OLFM1: variants seen among roughly 807,000 people sequenced by gnomAD.
OLFM1 encodes olfactomedin 1, also known as noelin.
A neutral mutation model predicts 49.7 loss-of-function variants in OLFM1; 9 were observed. That is an observed-to-expected ratio of 0.18 (90% CI 0.11 to 0.32). The LOEUF is 0.32. Ranked by LOEUF, OLFM1 falls within the 10% of genes least tolerant of loss-of-function variation. The pLI is 1.00. For missense variants in OLFM1, 369 were observed against 661.8 expected, an observed-to-expected ratio of 0.56 and a Z score of 4.85; for synonymous variants, 240 against 271.8, an observed-to-expected ratio of 0.88 and a Z score of 1.15.
chr9:135,083,910 C>T (rs1323387572), upstream of OLFM1, among the ~76,000 whole-genome samples: 2 of 152,226 alleles, frequency 1.3e-5, no homozygotes, highest in East Asian at 1.9e-4. Context: ...CACACAGCCA[C>T]GCCTGATGCA....
intron 2 of OLFM1, among the ~76,000 whole-genome samples, chr9:135,090,888 C>T (rs1830676870): frequency 6.6e-6 from 1 of 152,220 alleles, no homozygotes; most frequent in Non-Finnish European, 1.5e-5. Context: ...GAATGCCTTC[C>T]TGGGGCTAAA....
intron 1 of OLFM1, chr9:135,076,846 G>A (rs1830472824): frequency 6.5e-7 from 1 of 1,549,908 alleles, no homozygotes; most frequent in East Asian, 2.4e-5. Context: ...AAGATGGGAG[G>A]GCCAGAGAGC....
chr9:135,098,512 C>T lies in OLFM1; in HGVS notation c.676+7C>T, dbSNP rs1028157853. ...GCATGCATGCAAAAACTAGGTAGGC[C>T]CAGTACCCTGCGGGACGTGGCGCTG... is the stretch of plus-strand genomic sequence containing the variant. On this transcript the variant is annotated splice_region_variant and intron_variant, in intron 4 of 5. Coordinates refer to ENST00000371793, the MANE Select transcript of OLFM1 (RefSeq NM_001282611.2). This position sits in a 1 kb window ranked among gnomAD's most constrained non-coding sequence, Gnocchi z 5.6. 8 of 1,610,812 alleles carry T rather than the reference C, an allele frequency of 5.0e-6. No homozygotes were observed. The highest frequency in any genetic ancestry group is 6.8e-6 in the Non-Finnish European group (8 of 1,177,670).
intron 5 of OLFM1, among the ~76,000 whole-genome samples, chr9:135,115,930 G>GC (rs1464105726): frequency 1.3e-5 from 2 of 152,242 alleles, no homozygotes; most frequent in Non-Finnish European, 2.9e-5. Flanking sequence ...TGGCATCCAG[G>GC]CAGCCTGGTT....
intron 1 of OLFM1, among the ~76,000 whole-genome samples, chr9:135,082,596 C>T (rs189545476): frequency 6.2e-4 from 94 of 152,300 alleles, no homozygotes; most frequent in African/African-American, 2.2e-3. Context: ...AACTTGAGTC[C>T]TTGAACCCCT....
chr9:135,103,058 G>T (rs955176912), intron 4 of OLFM1, among the ~76,000 whole-genome samples: 2 of 152,186 alleles, frequency 1.3e-5, no homozygotes, highest in Non-Finnish European at 2.9e-5. Flanking sequence ...AGCCCGTCTG[G>T]GGCCGTCGGG....
At chr9:135,076,896 C>G in intron 1 of OLFM1, 1 of 1,550,628 alleles carries the variant, frequency 6.4e-7, no homozygotes, top group Non-Finnish European at 8.7e-7. Flanking sequence ...GAACGAGCTT[C>G]CCTTGTTTTG....
At chr9:135,075,659 G>A in exon 1 of OLFM1, 1 of 1,393,840 alleles carries the variant, frequency 7.2e-7, no homozygotes, top group Admixed American at 2.2e-5. Flanking sequence ...GAGCCGGAGC[G>A]CGTCCGCGTC....
At chr9:135,096,892 A>G (rs1055889121) in intron 3 of OLFM1, among the ~76,000 whole-genome samples, 4 of 152,180 alleles carry the variant, frequency 2.6e-5, no homozygotes, top group African/African-American at 9.7e-5. Flanking sequence ...GGACATTAAA[A>G]CTGGTGTTTG....
chr9:135,085,290 C>T (rs1830583322), upstream of OLFM1, among the ~76,000 whole-genome samples: 1 of 152,230 alleles, frequency 6.6e-6, no homozygotes, highest in Non-Finnish European at 1.5e-5. Flanking sequence ...GCTCGTGGAA[C>T]TGTGCGGACA....
At position 135,113,791 on chromosome 9, in the gene OLFM1, G is replaced by A. The variant is rs894510177; in HGVS notation, c.784-5713G>A. Among the ~76,000 whole-genome samples the A allele has an allele frequency of 5.3e-5, 8 of 152,224 alleles. No homozygotes were observed. Among genetic ancestry groups the A allele is most frequent in the African/African-American group, 1.4e-4 (6 of 41,472 alleles). On this transcript the variant is annotated intron_variant, in intron 5 of 5. Transcript: ENST00000371793. The surrounding 1 kb of genome is among the most constrained non-coding windows in gnomAD (Gnocchi z 4.0). Reference sequence around the variant, plus strand: ...ACACATGCCCGATGCCCCAGCACACGGGTGTGGAAGCCCAAGAGGTGCCCT... The same window carrying A: ...ACACATGCCCGATGCCCCAGCACACAGGTGTGGAAGCCCAAGAGGTGCCCT...
rs1033925601 is a variant in OLFM1, at chr9:135,082,173, T to C, written c.96+6371T>C. Among the ~76,000 whole-genome samples the C allele has an allele frequency of 2.6e-5, 4 of 152,276 alleles. No homozygotes were observed. In the South Asian group the frequency reaches 6.2e-4, roughly 24 times the overall value. ...TGGTTCAATGACAGTTAAAATCTGA[T>C]TGGAGAGTGTGTAGCCATGAAAAGT... is the stretch of plus-strand genomic sequence containing the variant. On this transcript the variant is annotated intron_variant, in intron 1 of 5. Transcript: ENST00000252854.
chr9:135,086,002 A>G (rs1830591600), upstream of OLFM1, among the ~76,000 whole-genome samples: 1 of 152,234 alleles, frequency 6.6e-6, no homozygotes, highest in African/African-American at 2.4e-5. Context: ...ATGGCCTGAC[A>G]GTTTTGTGGA....
At chr9:135,103,244 G>A (rs562421781) in intron 4 of OLFM1, among the ~76,000 whole-genome samples, 1 of 152,356 alleles carries the variant, frequency 6.6e-6, no homozygotes, top group African/African-American at 2.4e-5. Context: ...GCTCGTGACT[G>A]GAGAGGGACG....
intron 4 of OLFM1, among the ~76,000 whole-genome samples, chr9:135,105,384 G>A (rs537449002): frequency 2.1e-4 from 32 of 152,336 alleles, no homozygotes; most frequent in Admixed American, 7.2e-4. Flanking sequence ...CCTGGTGCCC[G>A]GATGCACGCT....
intron 4 of OLFM1, chr9:135,105,495 T>C (rs901469475): frequency 5.9e-5 from 9 of 152,148 alleles, no homozygotes; most frequent in Admixed American, 5.2e-4. Context: ...CCACTTCCAG[T>C]TGGGAGAGAG....
chr9:135,106,976 G>T (rs1830953687), intron 5 of OLFM1, 121 bp downstream of exon 5: 6 of 734,134 alleles, frequency 8.2e-6, no homozygotes, highest in Admixed American at 5.6e-5. Flanking sequence ...TGGGCAGCTT[G>T]GTGCCTGGGG....
chr9:135,096,840 T>C (rs978919798), intron 3 of OLFM1, among the ~76,000 whole-genome samples: 1 of 152,190 alleles, frequency 6.6e-6, no homozygotes, highest in Admixed American at 6.5e-5. Context: ...GCCAGCCTCC[T>C]TTCCACCTCG....
chr9:135,118,520 A>AGTGCTCACTGGGTCTTTGGC (rs764204672), intron 5 of OLFM1, among the ~76,000 whole-genome samples: 2 of 137,862 alleles, frequency 1.5e-5, no homozygotes, highest in Non-Finnish European at 3.1e-5. Flanking sequence ...GGGTCTTTGG[A>AGTGCTCACTGGGTCTTTGGC]ATGCTCGCTG....
Sources: gnomAD v4.1 joint callset for allele counts (sites outside exome capture counted in the v4.1 genomes callset) on GRCh38, gnomAD v4.1.1 for gene constraint, Gnocchi (gnomAD v3.1) non-coding constraint, MANE v1.5 for transcripts, NCBI Gene and HGNC (gene_info 2026-07-23, HGNC 2026-07-21) for gene names.